The following SNX29 variants were observed in gnomAD, a reference collection of about 807,000 sequenced individuals.
SNX29 encodes the protein sorting nexin 29.
A neutral mutation model predicts 102.1 loss-of-function variants in SNX29; 78 were observed. The observed-to-expected ratio is 0.76, with a 90% CI of 0.64 to 0.92. The LOEUF is 0.92. SNX29 is among the 40% of genes least tolerant of loss of function. The probability of loss-of-function intolerance (pLI) is 0.00; values close to 1 mark genes in which losing one functional copy is unlikely to be tolerated. For synonymous variants in SNX29, 580 were observed against 414.5 expected, an observed-to-expected ratio of 1.40 and a Z score of -4.85; for missense variants, 1,280 against 1,061.7, an observed-to-expected ratio of 1.21 and a Z score of -2.86.
At chr16:12,261,204 G>GCA (rs2078744945) in intron 14 of SNX29, among the ~76,000 whole-genome samples, 1 of 145,356 alleles carries the variant, frequency 6.9e-6, no homozygotes, top group Non-Finnish European at 1.5e-5. Flanking sequence ...GTCTGTGCGT[G>GCA]CGTCCCTGGC....
intron 1 of SNX29, among the ~76,000 whole-genome samples, chr16:11,990,976 G>A (rs2055826070): frequency 6.6e-6 from 1 of 152,236 alleles, no homozygotes; most frequent in East Asian, 1.9e-4. Context: ...CACTGCAGTG[G>A]CAGAGTTGGG....
intron 19 of SNX29, among the ~76,000 whole-genome samples, chr16:12,520,005 A>AAAT (rs1320643911): frequency 0.012 from 1,851 of 151,754 alleles, 38 homozygotes; most frequent in African/African-American, 0.041. Flanking sequence ...ATAAAAATAA[A>AAAT]AATAATAATA....
chr16:12,463,205 C>G (rs919418197), intron 18 of SNX29, among the ~76,000 whole-genome samples: 5 of 152,222 alleles, frequency 3.3e-5, no homozygotes, highest in Admixed American at 1.3e-4. Context: ...CATTGCTACT[C>G]AAACCCAGAT....
At chr16:12,347,402 T>C (rs2081845798) in intron 15 of SNX29, among the ~76,000 whole-genome samples, 1 of 151,586 alleles carries the variant, frequency 6.6e-6, no homozygotes, top group Non-Finnish European at 1.5e-5. Flanking sequence ...CAAAGCAAAA[T>C]GTGTATTGGA....
rs191806485 is a variant in SNX29, at chr16:12,569,822, A to T, written c.*1193A>T. ...GCTCAGCAAAGTTGTGGCAGTTTGCATTTCTAGGGTAAACTAACTAGGAAG... is the reference window on the plus strand; with the variant it reads ...GCTCAGCAAAGTTGTGGCAGTTTGCTTTTCTAGGGTAAACTAACTAGGAAG... On this transcript the variant is annotated 3_prime_UTR_variant, in exon 21 of 21. Transcript: ENST00000566228. 3.5e-5 allele frequency: 8 copies of T among 230,364 alleles called. No homozygotes were observed. The Admixed American group carries it at 4.0e-4, about 11-fold the overall frequency. 14.3% of individuals were successfully genotyped at this position (230,364 alleles called of 1,614,324 possible).
intron 18 of SNX29, among the ~76,000 whole-genome samples, chr16:12,404,282 C>T (rs999182071): frequency 6.6e-5 from 10 of 152,252 alleles, no homozygotes; most frequent in East Asian, 3.9e-4. Flanking sequence ...TCTGGGGCAG[C>T]GAAATGTGTG....
intron 18 of SNX29, among the ~76,000 whole-genome samples, chr16:12,438,709 C>G (rs1483438376): frequency 6.6e-6 from 1 of 152,190 alleles, no homozygotes; most frequent in East Asian, 1.9e-4. Context: ...CATGAATGAA[C>G]AGTCAGAAAG....
chr16:12,259,255 C>T (rs1274902981), intron 14 of SNX29, among the ~76,000 whole-genome samples: 1 of 152,232 alleles, frequency 6.6e-6, no homozygotes, highest in Non-Finnish European at 1.5e-5. Context: ...ATGCACTCCG[C>T]TTCCAGGTGT....
chr16:12,570,076 G>GT lies in SNX29; in HGVS notation c.*1450dup. The GT allele has an allele frequency of 1.3e-6, 1 of 744,348 alleles. No individual in the cohort carries two copies. Among genetic ancestry groups the GT allele is most frequent in the Non-Finnish European group, 1.7e-6 (1 of 586,604 alleles). 46.1% of individuals were successfully genotyped at this position (744,348 alleles called of 1,614,324 possible). A position where few individuals can be genotyped will look rare whatever the true frequency, so the allele number is the denominator to read the frequency against. On this transcript the variant is annotated 3_prime_UTR_variant, in exon 21 of 21. Coordinates refer to ENST00000566228, the MANE Select transcript of SNX29 (RefSeq NM_032167.5). ...ACATCTCTGGAGAATCATCTGGAAG[G>GT]TTTATACTGTGCCTTCCCCTCGTAG...
intron 20 of SNX29, among the ~76,000 whole-genome samples, chr16:12,545,805 C>G (rs553661306): frequency 1.3e-5 from 2 of 152,200 alleles, no homozygotes; most frequent in Middle Eastern, 3.4e-3. Context: ...ATACAGGGGC[C>G]TCCCTACTGA....
intron 18 of SNX29, among the ~76,000 whole-genome samples, chr16:12,421,536 C>G (rs868823996): frequency 6.6e-6 from 1 of 152,220 alleles, no homozygotes; most frequent in East Asian, 1.9e-4. Context: ...ACACTGGCCT[C>G]TTACTCTGTA....
intron 18 of SNX29, among the ~76,000 whole-genome samples, chr16:12,472,774 C>G (rs932523963): frequency 2.0e-5 from 3 of 152,054 alleles, no homozygotes; most frequent in Non-Finnish European, 4.4e-5. Context: ...TCCCCTTAAC[C>G]TTCCTTTACC....
rs148605810 is a variant in SNX29, at chr16:12,561,678, C to T, written c.2319-6828C>T. Among the ~76,000 whole-genome samples the T allele has an allele frequency of 3.6e-3, 542 of 152,140 alleles. 2 individuals are homozygous for T. The highest frequency in any genetic ancestry group is 0.012 in the African/African-American group (512 of 41,382). On this transcript the variant is annotated intron_variant, in intron 20 of 20. Coordinates refer to ENST00000566228, the MANE Select transcript of SNX29 (RefSeq NM_032167.5). ...GGGGCCCTCTGAGGGTGCCCTCACACACAGACCCCCTTTTCCCCAACTCCC... is the reference window on the plus strand; with the variant it reads ...GGGGCCCTCTGAGGGTGCCCTCACATACAGACCCCCTTTTCCCCAACTCCC...
intron 14 of SNX29, among the ~76,000 whole-genome samples, chr16:12,268,272 C>T (rs145914382): frequency 4.6e-5 from 7 of 152,282 alleles, no homozygotes; most frequent in Non-Finnish European, 7.4e-5. Flanking sequence ...TCACTTTTAC[C>T]CCCCTTGATA....
intron 16 of SNX29, among the ~76,000 whole-genome samples, chr16:12,370,503 C>G (rs1229921668): frequency 1.3e-5 from 2 of 152,080 alleles, no homozygotes; most frequent in Non-Finnish European, 2.9e-5. Context: ...GAGGTTGCAG[C>G]AAGTGGAGAT....
intron 14 of SNX29, among the ~76,000 whole-genome samples, chr16:12,234,160 T>TG (rs898855273): frequency 6.6e-6 from 1 of 152,180 alleles, no homozygotes; most frequent in Non-Finnish European, 1.5e-5. Flanking sequence ...CCACCAGCAG[T>TG]GAATGAAGGT....
At chr16:12,175,983 G>A (rs1039254185) in intron 13 of SNX29, among the ~76,000 whole-genome samples, 2 of 151,410 alleles carry the variant, frequency 1.3e-5, no homozygotes, top group Admixed American at 6.6e-5. Flanking sequence ...TCCAGCCTGG[G>A]CAATAGAGCA....
At chr16:11,979,651 T>G (rs1290268415) in intron 1 of SNX29, among the ~76,000 whole-genome samples, 1 of 152,184 alleles carries the variant, frequency 6.6e-6, no homozygotes, top group Non-Finnish European at 1.5e-5. Context: ...TGGCAGGATC[T>G]TAGCTTACTG....
intron 18 of SNX29, among the ~76,000 whole-genome samples, chr16:12,406,016 G>A: frequency 6.6e-6 from 1 of 150,782 alleles, no homozygotes; most frequent in Non-Finnish European, 1.5e-5. Context: ...TGGGTGACAA[G>A]AATGAGACTC....
Sources: allele counts gnomAD v4.1 joint callset (sites outside exome capture counted in the v4.1 genomes callset), GRCh38; gene constraint gnomAD v4.1.1; transcripts MANE v1.5; gene names NCBI Gene and HGNC (gene_info 2026-07-23, HGNC 2026-07-21).